Variants in SNAPC4 observed in about 807,000 individuals in gnomAD.
SNAPC4 encodes snRNA-activating protein complex subunit 4.
SNAPC4 carries 127 observed loss-of-function variants against 151.3 expected under a neutral mutation model. The ratio of observed to expected loss-of-function variants is 0.84; its 90% CI spans 0.73 to 0.97. The LOEUF (loss-of-function observed/expected upper bound fraction) is 0.97, where lower values mean the gene tolerates loss of function less well. Among genes scored for constraint, SNAPC4 ranks in the 50% least tolerant of loss-of-function variants. SNAPC4 has a pLI of 0.00. For synonymous variants in SNAPC4, 1,002 were observed against 824.4 expected (o/e 1.22, Z -3.69); for missense variants, 2,186 against 1,935.0 (o/e 1.13, Z -2.43).
Position 136,378,121 on chromosome 9 carries a change from C to G in SNAPC4, c.3706G>C (p.Gly1236Arg). Residue 1236 changes from glycine (G) to arginine (R), a missense_variant, in exon 22 of 24, where the codon GGC becomes CGC. By Grantham distance (125) the Gly-to-Arg change is moderately radical. Coordinates refer to ENST00000684778, the MANE Select transcript of SNAPC4 (RefSeq NM_003086.4). ...TGGCGCAGGGGCAGCTTCTCCAGGC[C>G]CAGAGGCCCCCTGGGCTCCTGTGTC... ...SGTQEPRGPLGLEKLPLRQPG... is the reference protein window; with the variant it reads ...SGTQEPRGPLRLEKLPLRQPG... The G allele has an allele frequency of 6.2e-7, 1 of 1,601,550 alleles. No homozygotes were observed. The highest frequency in any genetic ancestry group is 1.1e-5 in the South Asian group (1 of 89,538).
At chr9:136,380,930 G>C (rs1588743048) in intron 19 of SNAPC4, 80 bp from the exon 20 acceptor site, 1 of 824,194 alleles carries the variant, frequency 1.2e-6, no homozygotes, top group East Asian at 2.5e-5. Flanking sequence ...GCAGAACCTG[G>C]GGCAGCCCTG....
In SNAPC4 at chr9:136,381,999, G is replaced by A. The variant is rs946802316; in HGVS notation, c.2142C>T (p.Ser714=). The A allele has an allele frequency of 2.5e-6, 4 of 1,610,688 alleles. No individual in the cohort carries two copies. The highest frequency in any genetic ancestry group is 3.4e-6 in the Non-Finnish European group (4 of 1,179,532). Residue 714 remains serine, a synonymous_variant, in exon 18 of 24, where the codon TCC becomes TCT. Transcript: ENST00000684778. ...GVSSGDSVAR[S]HVQWLRHRAT... ...CTCTGTGCCGTAGCCACTGCACATG[G>A]GATCGGGCCACGCTGTCACCAGAGC...
Position 136,378,871 on chromosome 9 carries a change from C to A in SNAPC4, c.2956G>T (p.Ala986Ser). The change falls in exon 22 of 24, where the codon GCC (alanine) becomes TCC (serine). Residue 986 changes from alanine to serine, a missense_variant. Ala to Ser is a moderately conservative substitution (Grantham distance 99, BLOSUM62 1). Coordinates refer to ENST00000684778, the MANE Select transcript of SNAPC4 (RefSeq NM_003086.4). The part of the protein sequence containing the change: ...AKDKRLSTMQ[A>S]LPLAPVFSEA... ...GAGAAGACAGGAGCGAGGGGCAGGG[C>A]TTGCATGGTGGAGAGTCTCTTGTCC... 1.9e-6 allele frequency: 3 copies of A among 1,610,612 alleles called. No individual in the cohort carries two copies. Among genetic ancestry groups the A allele is most frequent in the Non-Finnish European group, 2.5e-6 (3 of 1,179,218 alleles).
At chr9:136,393,661 A>G in intron 7 of SNAPC4, among the ~76,000 whole-genome samples, 1 of 151,090 alleles carries the variant, frequency 6.6e-6, no homozygotes, top group Non-Finnish European at 1.5e-5. Flanking sequence ...CCCGAGCCAC[A>G]CCTCTCATCG....
Position 136,394,864 on chromosome 9 carries a change from G to A in SNAPC4, c.486C>T (p.Asn162=), listed in dbSNP as rs557393505. 4.5e-5 allele frequency: 73 copies of A among 1,613,786 alleles called. 1 individual carries two copies. The Middle Eastern group carries it at 5.0e-4, about 11-fold the overall frequency. The change falls in exon 6 of 24, where the codon AAC becomes AAT. Residue 162 remains asparagine, a synonymous_variant. Coordinates refer to ENST00000684778, the MANE Select transcript of SNAPC4 (RefSeq NM_003086.4). The stretch of plus-strand genomic sequence containing the variant: ...GGGCAGCCTTCTCTCGTGTGTCCTC[G>A]TTGGCAGGTGGCCCCTGTCAGGGTG... ...DKVTGVGPPA[N]EDTREKAAQG...
chr9:136,389,099 T>C (rs944962566), intron 10 of SNAPC4, among the ~76,000 whole-genome samples: 3 of 151,968 alleles, frequency 2.0e-5, no homozygotes, highest in African/African-American at 7.3e-5. Context: ...CAGAAGAGAG[T>C]GCCCCAAAAT....
chr9:136,388,614 A>G (rs773589101), intron 10 of SNAPC4, 23 bp from the exon 11 acceptor site: 2 of 1,613,738 alleles, frequency 1.2e-6, no homozygotes, highest in South Asian at 2.2e-5. Flanking sequence ...AAACAAAAGC[A>G]AATGAGTGTT....
At chr9:136,381,184 G>T in intron 19 of SNAPC4, 138 bp downstream of exon 19, 1 of 734,618 alleles carries the variant, frequency 1.4e-6, no homozygotes, top group South Asian at 1.6e-5. Context: ...AACAGTGTAA[G>T]GCATGAAAAG....
In SNAPC4 at chr9:136,379,227, G is replaced by A. The variant is rs372868034; in HGVS notation, c.2600C>T (p.Ala867Val). ...TAGGGTGCGCTCCACCCGGCTGGAC[G>A]CCAGTCTTCGGCTCCCTTTGTGGCT... is the stretch of plus-strand genomic sequence containing the variant. Reference protein sequence around the residue: ...SASHKGSRRLASSRVERTLPQ... With the variant: ...SASHKGSRRLVSSRVERTLPQ... The change falls in exon 22 of 24, where the codon GCG becomes GTG. Residue 867 changes from alanine to valine, a missense_variant. Transcript: ENST00000684778. The A allele has an allele frequency of 1.4e-5, 22 of 1,612,186 alleles. No homozygotes were observed. Among genetic ancestry groups the A allele is most frequent in the East Asian group, 8.9e-5 (4 of 44,894 alleles).
chr9:136,387,788 A>G lies in SNAPC4; in HGVS notation c.1184T>C (p.Leu395Ser). The G allele has an allele frequency of 6.2e-7, 1 of 1,613,068 alleles. No homozygotes were observed. Among genetic ancestry groups the G allele is most frequent in the Non-Finnish European group, 8.5e-7 (1 of 1,179,118 alleles). Residue 395 changes from leucine to serine, a missense_variant, in exon 12 of 24, where the codon TTG becomes TCG. Leu to Ser is a moderately radical substitution (Grantham distance 145). Coordinates refer to ENST00000684778, the MANE Select transcript of SNAPC4 (RefSeq NM_003086.4). ...GTAACCCTTCTTCAGACCAGGATCC[A>G]AGCTCTTGGTCCATCGGTAGATCAG... is the stretch of plus-strand genomic sequence containing the variant. ...MQLIYRWTKS[L>S]DPGLKKGYWA...
chr9:136,398,382 T>A lies in SNAPC4; in HGVS notation c.47A>T (p.Glu16Val). Residue 16 changes from glutamate to valine, a missense_variant, in exon 2 of 24, where the codon GAG becomes GTG. By Grantham distance (121) the Glu-to-Val change is moderately radical (BLOSUM62 -2). Coordinates refer to ENST00000684778, the MANE Select transcript of SNAPC4 (RefSeq NM_003086.4). ...EREKITQEIKELERILDPGSS... is the reference protein window; with the variant it reads ...EREKITQEIKVLERILDPGSS... ...GCCGGGATCCAAAATCCTTTCCAGC[T>A]CCTTGATCTCCTGTGTTATCTTCTC... 6.2e-7 allele frequency: 1 copy of A among 1,613,920 alleles called. No individual in the cohort carries two copies. Among genetic ancestry groups the A allele is most frequent in the Non-Finnish European group, 8.5e-7 (1 of 1,179,908 alleles).
At chr9:136,376,551 G>A in intron 22 of SNAPC4, 70 bp from the exon 23 acceptor site, 2 of 1,575,522 alleles carry the variant, frequency 1.3e-6, no homozygotes, top group Non-Finnish European at 1.7e-6. Flanking sequence ...GAAGGGACGG[G>A]AGTGAGGAGG....
chr9:136,396,134 G>A (rs1245809456), intron 3 of SNAPC4, among the ~76,000 whole-genome samples: 1 of 152,346 alleles, frequency 6.6e-6, no homozygotes, highest in South Asian at 2.1e-4. Context: ...CACCAGCAAA[G>A]CACGGGGAGC....
chr9:136,389,010 A>G (rs1382774275), intron 10 of SNAPC4, among the ~76,000 whole-genome samples: 1 of 152,150 alleles, frequency 6.6e-6, no homozygotes, highest in African/African-American at 2.4e-5. Context: ...GCTCTAGAGT[A>G]TCTCTCAGCT....
chr9:136,391,992 C>A lies in SNAPC4; in HGVS notation c.925G>T (p.Ala309Ser). ...REEEERLQAI[A>S]AAHGHLEWQK... Reference sequence around the variant, plus strand: ...CACTCCAGGTGGCCGTGTGCAGCCGCGATCGCCTGCAGCCGCTCCTCCTCC... The same window carrying A: ...CACTCCAGGTGGCCGTGTGCAGCCGAGATCGCCTGCAGCCGCTCCTCCTCC... Residue 309 changes from alanine to serine, a missense_variant, in exon 10 of 24, where the codon GCG becomes TCG. Transcript: ENST00000684778. 2 of 1,609,224 alleles carry A rather than the reference C, an allele frequency of 1.2e-6. No individual in the cohort carries two copies. The highest frequency in any genetic ancestry group is 1.1e-5 in the South Asian group (1 of 91,076).
chr9:136,385,478 T>C (rs971415479), intron 13 of SNAPC4, among the ~76,000 whole-genome samples: 2 of 152,114 alleles, frequency 1.3e-5, no homozygotes, highest in African/African-American at 4.8e-5. Context: ...TGCAAGCAAA[T>C]GTTCAGAATG....
At chr9:136,384,373 G>A (rs957488761) in intron 14 of SNAPC4, among the ~76,000 whole-genome samples, 3 of 152,200 alleles carry the variant, frequency 2.0e-5, no homozygotes, top group Non-Finnish European at 2.9e-5. Context: ...GGAGGAGCAC[G>A]GGTGCTGCTC....
In SNAPC4 at chr9:136,382,061, T is replaced by G; in HGVS notation, c.2080A>C (p.Arg694=). 2 of 1,589,110 alleles carry G rather than the reference T, an allele frequency of 1.3e-6. No individual in the cohort carries two copies. Among genetic ancestry groups the G allele is most frequent in the Non-Finnish European group, 1.7e-6 (2 of 1,168,130 alleles). The change falls in exon 18 of 24, where the codon AGG becomes CGG. Residue 694 remains arginine (R), a synonymous_variant. Transcript: ENST00000684778. ...GATGAGGTGGGCAGGGGTGGCTGCC[T>G]CAGCTGCTCTTTCTGTAAGGAGAAG... ...ARSCTQKEQL[R]QPPLPTSSPG... is the part of the protein sequence containing the mutation.
intron 5 of SNAPC4, among the ~76,000 whole-genome samples, 169 bp downstream of exon 5, chr9:136,395,129 G>C (rs1364486101): frequency 2.0e-5 from 3 of 152,240 alleles, no homozygotes; most frequent in African/African-American, 4.8e-5. Context: ...GCAGCCCAGC[G>C]CAGAGCAGAG....
Sources: gnomAD v4.1 joint callset for allele counts (sites outside exome capture counted in the v4.1 genomes callset) on GRCh38, gnomAD v4.1.1 for gene constraint, MANE v1.5 for transcripts, NCBI Gene and HGNC (gene_info 2026-07-23, HGNC 2026-07-21) for gene names.